TBC1D4: variants seen among roughly 807,000 people sequenced by gnomAD.
The protein encoded by TBC1D4 is TBC1 domain family member 4, also known as TBC (Tre-2, BUB2, CDC16) domain-containing protein.
Under a neutral mutation model 142.5 loss-of-function variants are expected in TBC1D4, and 121 were observed. That is an observed-to-expected ratio of 0.85 (90% CI 0.73 to 0.99). The LOEUF (loss-of-function observed/expected upper bound fraction) is 0.99, where lower values mean the gene tolerates loss of function less well. TBC1D4 is among the 50% of genes least tolerant of loss of function. The pLI, the probability that TBC1D4 is intolerant of heterozygous loss-of-function variation, is 0.00. For missense variants in TBC1D4, 1,475 were observed against 1,606.6 expected, an observed-to-expected ratio of 0.92 and a Z score of 1.40; for synonymous variants, 630 against 628.2, an observed-to-expected ratio of 1.00 and a Z score of -0.04.
intron 1 of TBC1D4, among the ~76,000 whole-genome samples, chr13:75,452,781 C>T (rs1887584685): frequency 6.6e-6 from 1 of 152,058 alleles, no homozygotes; most frequent in Non-Finnish European, 1.5e-5. Flanking sequence ...ATCTAGGTCA[C>T]AGGAGAGAGA....
At chr13:75,327,363 T>C (rs1202061681) in intron 9 of TBC1D4, among the ~76,000 whole-genome samples, 1 of 151,002 alleles carries the variant, frequency 6.6e-6, no homozygotes, top group Admixed American at 6.6e-5. Context: ...ATAAAGAAGA[T>C]CCCAGTGTTG....
At chr13:75,358,478 T>C (rs1361068762) in intron 3 of TBC1D4, among the ~76,000 whole-genome samples, 2 of 152,212 alleles carry the variant, frequency 1.3e-5, no homozygotes, top group Non-Finnish European at 2.9e-5. Flanking sequence ...TGTAATTTTA[T>C]GTCTCCATAT....
At chr13:75,319,173 T>C (rs1034347133) in intron 12 of TBC1D4, among the ~76,000 whole-genome samples, 7 of 152,218 alleles carry the variant, frequency 4.6e-5, no homozygotes, top group African/African-American at 1.4e-4. Flanking sequence ...TTTTTAATCT[T>C]ATAATTGTTG....
intron 11 of TBC1D4, among the ~76,000 whole-genome samples, chr13:75,322,311 T>C (rs1189116960): frequency 1.3e-5 from 2 of 152,240 alleles, no homozygotes; most frequent in East Asian, 1.9e-4. Context: ...GATTTTTTAA[T>C]GATCTTAGAA....
chr13:75,480,392 T>G (rs1888788063), intron 1 of TBC1D4, among the ~76,000 whole-genome samples: 1 of 151,882 alleles, frequency 6.6e-6, no homozygotes, highest in African/African-American at 2.4e-5. Context: ...TCATTACAAA[T>G]TAAAGGGGGA....
At chr13:75,358,331 T>C (rs925187846) in intron 3 of TBC1D4, among the ~76,000 whole-genome samples, 11 of 152,232 alleles carry the variant, frequency 7.2e-5, no homozygotes, top group Admixed American at 5.2e-4. Flanking sequence ...AAATTGGTAA[T>C]TACAAGAATG....
intron 17 of TBC1D4, 120 bp downstream of exon 17, chr13:75,299,210 T>C: frequency 6.5e-7 from 1 of 1,540,314 alleles, no homozygotes; most frequent in Non-Finnish European, 8.8e-7. Context: ...CCCCAATCTT[T>C]ACCCAAGTTC....
At chr13:75,365,298 A>G (rs977897366) in intron 1 of TBC1D4, among the ~76,000 whole-genome samples, 1 of 151,798 alleles carries the variant, frequency 6.6e-6, no homozygotes, top group African/African-American at 2.4e-5. Flanking sequence ...CATGGGTTGC[A>G]GAGACTCTGC....
intron 1 of TBC1D4, among the ~76,000 whole-genome samples, chr13:75,439,665 A>T (rs1886952502): frequency 6.6e-6 from 1 of 152,014 alleles, no homozygotes; most frequent in Non-Finnish European, 1.5e-5. Context: ...TGTTGTTTTG[A>T]GATGGAGTCT....
At chr13:75,383,011 G>GTCA (rs555757421) in intron 1 of TBC1D4, among the ~76,000 whole-genome samples, 110 of 152,290 alleles carry the variant, frequency 7.2e-4, no homozygotes, top group Middle Eastern at 3.4e-3. Flanking sequence ...CAAGTTAAAT[G>GTCA]TCATGAACTC....
chr13:75,383,514 T>C (rs1883980386), intron 1 of TBC1D4, among the ~76,000 whole-genome samples: 1 of 152,084 alleles, frequency 6.6e-6, no homozygotes, highest in African/African-American at 2.4e-5. Context: ...TAGTCCCTCC[T>C]TATCTGTAGT....
intron 1 of TBC1D4, among the ~76,000 whole-genome samples, chr13:75,437,291 C>T (rs576711180): frequency 3.3e-5 from 5 of 152,082 alleles, no homozygotes; most frequent in South Asian, 2.1e-4. Context: ...AAAAATCCAA[C>T]GAAGCATTAA....
At chr13:75,481,110 C>T (rs1349414470) in intron 1 of TBC1D4, among the ~76,000 whole-genome samples, 160 bp downstream of exon 1, 1 of 152,216 alleles carries the variant, frequency 6.6e-6, no homozygotes, top group Non-Finnish European at 1.5e-5. Flanking sequence ...TCCCAAGGTC[C>T]AGGGAAGGGG....
At chr13:75,287,412 A>C (rs1874801870) in intron 20 of TBC1D4, among the ~76,000 whole-genome samples, 1 of 152,174 alleles carries the variant, frequency 6.6e-6, no homozygotes, top group Non-Finnish European at 1.5e-5. Context: ...GGCGTTCTCT[A>C]AACATACACT....
chr13:75,411,751 T>A (rs1219020137), intron 1 of TBC1D4, among the ~76,000 whole-genome samples: 1 of 152,030 alleles, frequency 6.6e-6, no homozygotes, highest in African/African-American at 2.4e-5. Context: ...TTGGCCAGGC[T>A]GGTCTCGAAC....
Position 75,325,037 on chromosome 13 carries a change from T to C in TBC1D4, c.2034-636A>G, listed in dbSNP as rs190148128. On this transcript the variant is annotated intron_variant, in intron 10 of 20. Transcript: ENST00000377636. ...TAGTGATAGAAATTGTTTGAACTTA[T>C]ACATTATAAAATGTGGAAAACAGAG... 9.6e-4 allele frequency among the ~76,000 whole-genome samples: 146 copies of C among 152,344 alleles called. 1 individual carries two copies. Among genetic ancestry groups the C allele is most frequent in the Non-Finnish European group, 1.3e-3 (91 of 68,028 alleles).
chr13:75,412,306 CAG>C (rs1471000862), intron 1 of TBC1D4, among the ~76,000 whole-genome samples: 2 of 151,994 alleles, frequency 1.3e-5, no homozygotes, highest in African/African-American at 2.4e-5. Flanking sequence ...TCTTTTGAGA[CAG>C]AGTCTCCTCT....
chr13:75,337,179 C>T (rs1880298034), intron 7 of TBC1D4, 139 bp from the exon 8 acceptor site: 1 of 746,012 alleles, frequency 1.3e-6, no homozygotes, highest in East Asian at 2.6e-5. Context: ...AATTTAGGTC[C>T]CACACTGTGA....
At chr13:75,319,975 G>T (rs753358821) in intron 12 of TBC1D4, 39 bp downstream of exon 12, 1 of 1,605,420 alleles carries the variant, frequency 6.2e-7, no homozygotes, top group Non-Finnish European at 8.5e-7. Context: ...AAGAATCTGT[G>T]AATTTTTTTT....
Sources: gnomAD v4.1 joint callset for allele counts (sites outside exome capture counted in the v4.1 genomes callset) on GRCh38, gnomAD v4.1.1 for gene constraint, MANE v1.5 for transcripts, NCBI Gene and HGNC (gene_info 2026-07-23, HGNC 2026-07-21) for gene names.